Variants in LRP2 observed in about 807,000 individuals in gnomAD.
LRP2 encodes the protein low-density lipoprotein receptor-related protein 2.
A neutral mutation model predicts 531.0 loss-of-function variants in LRP2; 172 were observed. The observed-to-expected ratio is 0.32, with a 90% CI of 0.29 to 0.37. The LOEUF (loss-of-function observed/expected upper bound fraction) is 0.37, where lower values mean the gene tolerates loss of function less well. Among genes scored for constraint, LRP2 ranks in the 10% least tolerant of loss-of-function variants. The probability of loss-of-function intolerance (pLI) is 1.00; values close to 1 mark genes in which losing one functional copy is unlikely to be tolerated. For synonymous variants in LRP2, 1,992 were observed against 2,027.6 expected (o/e 0.98, Z 0.47); for missense variants, 5,167 against 5,868.3 (o/e 0.88, Z 3.90).
intron 4 of LRP2, among the ~76,000 whole-genome samples, chr2:169,298,144 T>G (rs1684180614): frequency 6.6e-6 from 1 of 151,964 alleles, no homozygotes; most frequent in African/African-American, 2.4e-5. Flanking sequence ...AATCTACCAG[T>G]TTGGCCACCA....
intron 63 of LRP2, among the ~76,000 whole-genome samples, chr2:169,158,810 T>TCACTAAAA (rs1286157206): frequency 7.8e-4 from 117 of 150,202 alleles, no homozygotes; most frequent in Non-Finnish European, 1.4e-3. Flanking sequence ...GGGATTCAAA[T>TCACTAAAA]GATTTTTACT....
intron 44 of LRP2, among the ~76,000 whole-genome samples, chr2:169,201,284 G>A (rs1688194563): frequency 6.6e-6 from 1 of 152,154 alleles, no homozygotes; most frequent in Non-Finnish European, 1.5e-5. Context: ...AATACATTTT[G>A]GGGATAAGTG....
rs755689893 is a variant in LRP2, at chr2:169,188,010, G to T, written c.9288C>A (p.His3096Gln). The change falls in exon 49 of 79, where the codon CAC becomes CAA. Residue 3096 changes from histidine to glutamine, a missense_variant. His to Gln is a conservative substitution (Grantham distance 24). Around this residue, in one of 6 missense-constraint regions of LRP2, gnomAD observed 1,129 missense variants for 1,362.7 expected, o/e 0.83. Transcript: ENST00000649046. ...RCIEMMKLCN[H>Q]LDDCLDNSDE... is the part of the protein sequence containing the mutation. The stretch of plus-strand genomic sequence containing the variant: ...CGCTGTTGTCCAAACAGTCATCTAG[G>T]TGGTTGCAGAGTTTCATCATCTCGA... The T allele has an allele frequency of 6.2e-7, 1 of 1,614,096 alleles. No homozygotes were observed. Among genetic ancestry groups the T allele is most frequent in the Admixed American group, 1.7e-5 (1 of 60,012 alleles).
At chr2:169,229,633 C>T (rs1393444788) in intron 31 of LRP2, among the ~76,000 whole-genome samples, 4 of 152,150 alleles carry the variant, frequency 2.6e-5, no homozygotes, top group Admixed American at 1.3e-4. Context: ...TAAAAAGTCT[C>T]ATACAGAGAA....
rs531001768 is a variant in LRP2, at chr2:169,264,160, G to C, written c.2321-4943C>G. Among the ~76,000 whole-genome samples the C allele has an allele frequency of 5.9e-4, 89 of 152,000 alleles. 1 individual carries two copies. In the South Asian group the frequency reaches 0.018, roughly 31 times the overall value. ...ACTAATGCTAGATGACGAGTTAGTG[G>C]GTGCAGCGCACCAGCATGGCACATG... On this transcript the variant is annotated intron_variant, in intron 16 of 78. Transcript: ENST00000649046.
At chr2:169,227,308 T>C (rs1488958916) in intron 31 of LRP2, among the ~76,000 whole-genome samples, 1 of 152,210 alleles carries the variant, frequency 6.6e-6, no homozygotes, top group Admixed American at 6.5e-5. Context: ...AATGGATGAA[T>C]GTATAAGTGA....
Position 169,201,618 on chromosome 2 carries a change from AT to A in LRP2, c.8452+9del, listed in dbSNP as rs761283745. The A allele has an allele frequency of 8.7e-6, 14 of 1,614,058 alleles. No individual in the cohort carries two copies. The highest frequency in any genetic ancestry group is 1.0e-5 in the Non-Finnish European group (12 of 1,180,038). ...CCCAAAATCACAATAAGCACTTAAG[AT>A]AAACTTACGGCAATTTTTCTCATCT... On this transcript the variant is annotated intron_variant, in intron 44 of 78. Transcript: ENST00000649046.
rs1266628420 is a variant in LRP2, at chr2:169,326,196, C to G, written c.80-5312G>C. Among the ~76,000 whole-genome samples, 4 of 95,100 alleles carry G rather than the reference C, an allele frequency of 4.2e-5. 1 individual carries two copies. Among genetic ancestry groups the G allele is most frequent in the African/African-American group, 1.8e-4 (4 of 22,354 alleles). The allele number at this position is 95,100 out of a possible 152,430, so 62.4% of individuals were successfully genotyped here. A position where few individuals can be genotyped will look rare whatever the true frequency, so the allele number is the denominator to read the frequency against. ...TCCCCCTCTCCCCTCTCCCCTCTCC[C>G]CTCTCCCCTCTCCCCTCTCCCTCTC... On this transcript the variant is annotated intron_variant, in intron 1 of 78. Coordinates refer to ENST00000649046, the MANE Select transcript of LRP2 (RefSeq NM_004525.3).
Position 169,207,002 on chromosome 2 carries a change from C to T in LRP2, c.6718G>A (p.Ala2240Thr), listed in dbSNP as rs1161179918. Residue 2240 changes from alanine to threonine, a missense_variant, in exon 39 of 79, where the codon GCA (alanine) becomes ACA (threonine). Coordinates refer to ENST00000649046, the MANE Select transcript of LRP2 (RefSeq NM_004525.3). ...SEGIVTPRGL[A>T]VDRSDGYVYW... The stretch of plus-strand genomic sequence containing the variant: ...ACGTAGCCATCACTTCGGTCCACTG[C>T]CAAGCCCCGTGGTGTGACAATGCCC... 1 of 1,614,192 alleles carries T rather than the reference C, an allele frequency of 6.2e-7. No individual in the cohort carries two copies. Among genetic ancestry groups the T allele is most frequent in the South Asian group, 1.1e-5 (1 of 91,084 alleles).
intron 3 of LRP2, among the ~76,000 whole-genome samples, chr2:169,308,566 G>A (rs779858607): frequency 1.9e-4 from 29 of 152,028 alleles, no homozygotes; most frequent in Admixed American, 6.6e-4. Flanking sequence ...CCTTTTTTAC[G>A]GCTGCATAGT....
intron 68 of LRP2, among the ~76,000 whole-genome samples, chr2:169,150,194 A>G (rs796591560): frequency 6.6e-6 from 1 of 152,190 alleles, no homozygotes; most frequent in African/African-American, 2.4e-5. Context: ...ACCTACAAAT[A>G]CTGGCATATC....
chr2:169,216,576 G>GC (rs759131588), intron 34 of LRP2, 146 bp from the exon 35 acceptor site: 233 of 750,734 alleles, frequency 3.1e-4, no homozygotes, highest in Non-Finnish European at 3.7e-4. Context: ...TGCATACAAC[G>GC]TGGAGGGGTA....
chr2:169,155,126 T>C (rs1686284291), intron 65 of LRP2, among the ~76,000 whole-genome samples: 1 of 152,208 alleles, frequency 6.6e-6, no homozygotes. Context: ...AGCTTGTCCT[T>C]GATTTAATTT....
intron 25 of LRP2, chr2:169,240,609 A>G (rs1365259146): frequency 2.5e-6 from 1 of 396,304 alleles, no homozygotes; most frequent in Non-Finnish European, 4.5e-6. Flanking sequence ...ACAGCAACAC[A>G]AATCCCTGGA....
intron 46 of LRP2, among the ~76,000 whole-genome samples, chr2:169,196,353 G>T (rs1688004530): frequency 6.6e-6 from 1 of 152,198 alleles, no homozygotes; most frequent in Non-Finnish European, 1.5e-5. Flanking sequence ...TAAAAAATGT[G>T]CATGGATATA....
At chr2:169,237,949 A>G in intron 27 of LRP2, 142 bp downstream of exon 27, 1 of 739,090 alleles carries the variant, frequency 1.4e-6, no homozygotes, top group South Asian at 1.5e-5. Flanking sequence ...TGAACACGCA[A>G]GTCTCTTGGG....
intron 16 of LRP2, among the ~76,000 whole-genome samples, chr2:169,260,039 C>G (rs749183567): frequency 2.0e-5 from 3 of 152,076 alleles, no homozygotes; most frequent in Non-Finnish European, 4.4e-5. Context: ...AGAAACTGGA[C>G]CAAGTATTCT....
chr2:169,233,838 G>T (rs537376863), intron 29 of LRP2, among the ~76,000 whole-genome samples: 1 of 152,152 alleles, frequency 6.6e-6, no homozygotes, highest in South Asian at 2.1e-4. Context: ...AATTACACTG[G>T]GCATCTATTT....
At chr2:169,311,352 C>G (rs1244305638) in intron 3 of LRP2, among the ~76,000 whole-genome samples, 1 of 152,140 alleles carries the variant, frequency 6.6e-6, no homozygotes, top group Non-Finnish European at 1.5e-5. Context: ...CTATAAATTT[C>G]CCTCTACACA....
Sources: allele counts gnomAD v4.1 joint callset (sites outside exome capture counted in the v4.1 genomes callset), GRCh38; gene constraint gnomAD v4.1.1; regional missense constraint gnomAD v4.1.1; transcripts MANE v1.5; gene names NCBI Gene and HGNC (gene_info 2026-07-23, HGNC 2026-07-21).